CUX2: variants seen among roughly 807,000 people sequenced by gnomAD.
CUX2 encodes homeobox protein cut-like 2.
In CUX2, 40 loss-of-function variants were observed where a neutral mutation model predicts 144.8. The ratio of observed to expected loss-of-function variants is 0.28; its 90% CI spans 0.21 to 0.36. The LOEUF is 0.36. CUX2 is among the 10% of genes least tolerant of loss of function. The pLI is 1.00. For synonymous variants in CUX2, 827 were observed against 875.6 expected, an observed-to-expected ratio of 0.94 and a Z score of 0.98; for missense variants, 1,615 against 1,994.0, an observed-to-expected ratio of 0.81 and a Z score of 3.62.
intron 1 of CUX2, among the ~76,000 whole-genome samples, chr12:111,100,390 G>A (rs1241693057): frequency 6.7e-6 from 1 of 148,978 alleles, no homozygotes; most frequent in Non-Finnish European, 1.5e-5. Flanking sequence ...CTCTGTGTGT[G>A]CACTCATGAG....
intron 3 of CUX2, among the ~76,000 whole-genome samples, chr12:111,260,167 A>T (rs573512695): frequency 2.4e-4 from 36 of 150,956 alleles, no homozygotes; most frequent in African/African-American, 5.6e-4. Flanking sequence ...TCCAAAAAAA[A>T]TTTTTTTTTA....
At chr12:111,274,071 G>C (rs1379857483) in intron 4 of CUX2, among the ~76,000 whole-genome samples, 1 of 152,032 alleles carries the variant, frequency 6.6e-6, no homozygotes, top group Admixed American at 6.6e-5. Flanking sequence ...TGTTGTTTTT[G>C]GGGGTTTTTT....
intron 1 of CUX2, among the ~76,000 whole-genome samples, chr12:111,067,620 G>T (rs1871076513): frequency 2.6e-5 from 4 of 152,228 alleles, no homozygotes; most frequent in Admixed American, 2.6e-4. Flanking sequence ...CCCCATGGAA[G>T]GTTCCGGGAA....
intron 1 of CUX2, among the ~76,000 whole-genome samples, chr12:111,062,402 G>A (rs114943279): frequency 0.012 from 1,810 of 152,328 alleles, 35 homozygotes; most frequent in African/African-American, 0.042. Flanking sequence ...ATAAAATGAT[G>A]TCATGTAAAA....
At chr12:111,048,756 CA>C (rs1395363903) in intron 1 of CUX2, among the ~76,000 whole-genome samples, 3 of 152,146 alleles carry the variant, frequency 2.0e-5, no homozygotes, top group Admixed American at 6.5e-5. Context: ...TATTCTGTCC[CA>C]GGGGGTCGTG....
chr12:111,043,585 G>A (rs1009101344), intron 1 of CUX2, among the ~76,000 whole-genome samples: 2 of 151,740 alleles, frequency 1.3e-5, no homozygotes, highest in African/African-American at 4.8e-5. Flanking sequence ...GGATGAGGCG[G>A]GCAGATAATT....
chr12:111,121,329 A>G (rs1372383360), intron 1 of CUX2, among the ~76,000 whole-genome samples: 1 of 151,074 alleles, frequency 6.6e-6, no homozygotes, highest in Non-Finnish European at 1.5e-5. Flanking sequence ...ATTCTGAAAT[A>G]AATGTGTTTT....
At chr12:111,291,374 A>G (rs376706408) in intron 4 of CUX2, 44 bp from the exon 5 acceptor site, 17 of 1,551,610 alleles carry the variant, frequency 1.1e-5, no homozygotes, top group Non-Finnish European at 1.4e-5. Context: ...GGGTGTCCCT[A>G]TCCATCAGGC....
At chr12:111,126,007 C>T (rs771976080) in intron 1 of CUX2, among the ~76,000 whole-genome samples, 1 of 149,734 alleles carries the variant, frequency 6.7e-6, no homozygotes, top group African/African-American at 2.5e-5. Flanking sequence ...AGATTCAACA[C>T]GATGTATTAC....
chr12:111,207,226 C>A (rs1424786638), intron 1 of CUX2, among the ~76,000 whole-genome samples: 1 of 152,220 alleles, frequency 6.6e-6, no homozygotes, highest in Non-Finnish European at 1.5e-5. Flanking sequence ...CATACCCACC[C>A]AAAGGCAATA....
intron 1 of CUX2, among the ~76,000 whole-genome samples, chr12:111,083,669 T>G (rs1447748282): frequency 6.6e-6 from 1 of 151,984 alleles, no homozygotes; most frequent in East Asian, 1.9e-4. Flanking sequence ...TGTCTCGGAT[T>G]CCATGGAGAA....
At chr12:111,122,902 A>T in intron 1 of CUX2, among the ~76,000 whole-genome samples, 1 of 152,204 alleles carries the variant, frequency 6.6e-6, no homozygotes, top group East Asian at 1.9e-4. Flanking sequence ...AAAGAAAGGA[A>T]GTTGCAACAG....
At chr12:111,212,977 G>A (rs937619587) in intron 1 of CUX2, among the ~76,000 whole-genome samples, 1 of 152,182 alleles carries the variant, frequency 6.6e-6, no homozygotes, top group Non-Finnish European at 1.5e-5. Context: ...TGTGCAAGAG[G>A]AATGTGTATT....
intron 1 of CUX2, among the ~76,000 whole-genome samples, chr12:111,200,763 A>G (rs1230834204): frequency 6.6e-6 from 1 of 152,172 alleles, no homozygotes; most frequent in African/African-American, 2.4e-5. Flanking sequence ...GGGGGGCAGG[A>G]ACATTTAGTT....
chr12:111,168,091 G>A (rs759940283), intron 1 of CUX2, among the ~76,000 whole-genome samples: 10 of 152,284 alleles, frequency 6.6e-5, no homozygotes, highest in Middle Eastern at 6.8e-3. Context: ...AAGCCAGTCC[G>A]GAGCCAAGCT....
chr12:111,303,407 G>A (rs1157890486), intron 9 of CUX2, among the ~76,000 whole-genome samples: 8 of 151,574 alleles, frequency 5.3e-5, no homozygotes, highest in African/African-American at 7.3e-5. Context: ...AGGCTGAAGC[G>A]GGTGGATCAC....
chr12:111,179,684 T>G (rs1404660223), intron 1 of CUX2, among the ~76,000 whole-genome samples: 1 of 148,960 alleles, frequency 6.7e-6, no homozygotes, highest in African/African-American at 2.4e-5. Context: ...ATGGTTTTGT[T>G]TTTTTTTTTT....
intron 16 of CUX2, among the ~76,000 whole-genome samples, chr12:111,316,453 T>TC: frequency 6.9e-6 from 1 of 145,136 alleles, no homozygotes; most frequent in Admixed American, 6.8e-5. Flanking sequence ...GCACTTCTTT[T>TC]TTTTTTTTTT....
At chr12:111,323,332 G>A (rs980637815) in intron 18 of CUX2, among the ~76,000 whole-genome samples, 3 of 152,056 alleles carry the variant, frequency 2.0e-5, no homozygotes, top group Admixed American at 2.0e-4. Flanking sequence ...ACAGAAACGA[G>A]CCAGGTCAGC....
Sources: allele counts gnomAD v4.1 joint callset (sites outside exome capture counted in the v4.1 genomes callset), GRCh38; gene constraint gnomAD v4.1.1; transcripts MANE v1.5; gene names NCBI Gene and HGNC (gene_info 2026-07-23, HGNC 2026-07-21).